TFCP2: variants seen among roughly 807,000 people sequenced by gnomAD.
TFCP2 encodes the protein alpha-globin transcription factor CP2.
TFCP2 carries 33 observed loss-of-function variants against 73.4 expected under a neutral mutation model. The observed-to-expected ratio is 0.45, with a 90% CI of 0.34 to 0.60. The LOEUF is 0.60. Ranked by LOEUF, TFCP2 falls within the 20% of genes least tolerant of loss-of-function variation. TFCP2 has a pLI of 0.01. For missense variants in TFCP2, 352 were observed against 604.0 expected (o/e 0.58, Z 4.37); for synonymous variants, 193 against 211.6 (o/e 0.91, Z 0.76).
chr12:51,139,283 A>G (rs2137013054), intron 1 of TFCP2, among the ~76,000 whole-genome samples: 1 of 152,284 alleles, frequency 6.6e-6, no homozygotes, highest in Non-Finnish European at 1.5e-5. Flanking sequence ...CTAACTCTTC[A>G]ACATGGCTCC....
intron 1 of TFCP2, among the ~76,000 whole-genome samples, chr12:51,163,342 C>T (rs918784534): frequency 6.6e-6 from 1 of 152,152 alleles, no homozygotes; most frequent in African/African-American, 2.4e-5. Context: ...ATAATCCCAG[C>T]ACTTTGGGAG....
chr12:51,152,259 C>G (rs1000403930), intron 1 of TFCP2, among the ~76,000 whole-genome samples: 1 of 152,054 alleles, frequency 6.6e-6, no homozygotes, highest in Non-Finnish European at 1.5e-5. Context: ...AATCTAACCA[C>G]GAGGAAACAA....
chr12:51,109,342 G>C, intron 5 of TFCP2, 69 bp from the exon 6 acceptor site: 9 of 1,551,470 alleles, frequency 5.8e-6, no homozygotes, highest in Non-Finnish European at 7.9e-6. Context: ...TATTTTTTTA[G>C]CAACTATTAA....
intron 5 of TFCP2, among the ~76,000 whole-genome samples, chr12:51,109,715 AT>A (rs10531546): frequency 0.31 from 41,318 of 134,850 alleles, 6,554 homozygotes; most frequent in East Asian, 0.68. Context: ...AGATTGGTGA[AT>A]TTTTTTTTTT....
chr12:51,123,267 CAT>C (rs1940726023), intron 1 of TFCP2, among the ~76,000 whole-genome samples: 1 of 152,220 alleles, frequency 6.6e-6, no homozygotes, highest in South Asian at 2.1e-4. Flanking sequence ...AAACCCCAAA[CAT>C]ATTTCAATTA....
intron 1 of TFCP2, among the ~76,000 whole-genome samples, chr12:51,168,733 C>G (rs1041218391): frequency 5.3e-5 from 8 of 152,262 alleles, no homozygotes; most frequent in Non-Finnish European, 8.8e-5. Flanking sequence ...GTCCTCCCAC[C>G]TTGGCCTCCC....
chr12:51,109,362 C>G, intron 5 of TFCP2, 89 bp from the exon 6 acceptor site: 2 of 1,379,928 alleles, frequency 1.4e-6, no homozygotes, highest in Non-Finnish European at 2.0e-6. Context: ...ACAGCAAAAC[C>G]TTTACCAGGC....
intron 1 of TFCP2, among the ~76,000 whole-genome samples, chr12:51,132,136 TAAGTTTTAAACATCATA>T (rs1464570233): frequency 6.6e-6 from 1 of 152,152 alleles, no homozygotes; most frequent in Admixed American, 6.6e-5. Context: ...AATGTAGTCT[TAAGTTTTAAACATCATA>T]AAAACCACTT....
intron 1 of TFCP2, among the ~76,000 whole-genome samples, chr12:51,122,511 G>A (rs1177748818): frequency 6.6e-5 from 10 of 151,658 alleles, no homozygotes; most frequent in African/African-American, 2.2e-4. Flanking sequence ...TGCCCATCTC[G>A]GCCTCCCAAA....
At chr12:51,136,783 A>T (rs2137010192) in intron 1 of TFCP2, among the ~76,000 whole-genome samples, 2 of 152,288 alleles carry the variant, frequency 1.3e-5, no homozygotes, top group South Asian at 4.1e-4. Flanking sequence ...TAAAAGTATA[A>T]AAAATAATTA....
chr12:51,161,663 G>GGC (rs1306426024), intron 1 of TFCP2, among the ~76,000 whole-genome samples: 3 of 131,944 alleles, frequency 2.3e-5, no homozygotes, highest in African/African-American at 8.1e-5. Context: ...CCAGGCAACA[G>GGC]AGTGAGACTC....
At chr12:51,099,171 T>C (rs1940044053) in intron 12 of TFCP2, among the ~76,000 whole-genome samples, 1 of 152,120 alleles carries the variant, frequency 6.6e-6, no homozygotes, top group Non-Finnish European at 1.5e-5. Flanking sequence ...TTGTAAATAT[T>C]AAAGCATATA....
intron 1 of TFCP2, among the ~76,000 whole-genome samples, chr12:51,166,212 G>A (rs576757989): frequency 6.6e-6 from 1 of 151,810 alleles, no homozygotes; most frequent in Non-Finnish European, 1.5e-5. Context: ...CTACTTGGGA[G>A]GCTGAGGCAG....
At chr12:51,142,436 C>G (rs1324822445) in intron 1 of TFCP2, among the ~76,000 whole-genome samples, 1 of 151,998 alleles carries the variant, frequency 6.6e-6, no homozygotes, top group African/African-American at 2.4e-5. Flanking sequence ...TTAAATCTCT[C>G]ATACATTTTT....
At chr12:51,131,332 C>A (rs1010892829) in intron 1 of TFCP2, among the ~76,000 whole-genome samples, 1,434 of 117,372 alleles carry the variant, frequency 0.012, no homozygotes, top group Non-Finnish European at 0.013. Flanking sequence ...AAGACTGTCT[C>A]AAAAAAAAAA....
intron 1 of TFCP2, among the ~76,000 whole-genome samples, chr12:51,128,585 G>A (rs1402266501): frequency 6.6e-6 from 1 of 151,926 alleles, no homozygotes; most frequent in Admixed American, 6.6e-5. Flanking sequence ...AATGCTAGAG[G>A]CATAAATATA....
chr12:51,148,429 G>C (rs146497801), intron 1 of TFCP2, among the ~76,000 whole-genome samples: 3 of 152,196 alleles, frequency 2.0e-5, no homozygotes, highest in Admixed American at 1.3e-4. Flanking sequence ...GTGGCCGGGC[G>C]TGGTGGCCCA....
chr12:51,108,201 G>A (rs1228126140), intron 6 of TFCP2, among the ~76,000 whole-genome samples: 1 of 151,544 alleles, frequency 6.6e-6, no homozygotes, highest in Non-Finnish European at 1.5e-5. Flanking sequence ...CGTGAGAACA[G>A]CTTGAACCCA....
At chr12:51,166,592 T>TA (rs1173391995) in intron 1 of TFCP2, among the ~76,000 whole-genome samples, 1 of 152,032 alleles carries the variant, frequency 6.6e-6, no homozygotes, top group Non-Finnish European at 1.5e-5. Context: ...ACTCCACACT[T>TA]AGATCATGTT....
Sources: allele counts gnomAD v4.1 joint callset (sites outside exome capture counted in the v4.1 genomes callset), GRCh38; gene constraint gnomAD v4.1.1; transcripts MANE v1.5; gene names NCBI Gene and HGNC (gene_info 2026-07-23, HGNC 2026-07-21).